The following MED25 variants were observed in gnomAD, a reference collection of about 807,000 sequenced individuals.
The protein encoded by MED25 is mediator complex subunit 25.
In MED25, 62 loss-of-function variants were observed where a neutral mutation model predicts 89.4. That is an observed-to-expected ratio of 0.69 (90% CI 0.57 to 0.86). The LOEUF is 0.86. Ranked by LOEUF, MED25 falls within the 40% of genes least tolerant of loss-of-function variation. The pLI is 0.00. For missense variants in MED25, 905 were observed against 1,005.2 expected (o/e 0.90, Z 1.35); for synonymous variants, 449 against 427.9 (o/e 1.05, Z -0.61).
intron 3 of MED25, among the ~76,000 whole-genome samples, chr19:49,827,426 G>A (rs2074022942): frequency 6.6e-6 from 1 of 152,126 alleles, no homozygotes; most frequent in Admixed American, 6.5e-5. Flanking sequence ...CAGGTGGTAG[G>A]GCCAGGCTGT....
At chr19:49,839,081 T>C (rs906152276), downstream of MED25, 21 of 295,006 alleles carry the variant, frequency 7.1e-5, no homozygotes, top group Non-Finnish European at 1.3e-4. Context: ...GTCAAATTGA[T>C]TGTGGCCTTT....
rs773458411 is a variant in MED25, at chr19:49,818,314, A to G, written c.-28A>G. ...ATTCCGCGGCGTCGGCTGCGGCTGCAGTGGTGGTGGCGGGTACCGCACGGG... is the reference window on the plus strand; with the variant it reads ...ATTCCGCGGCGTCGGCTGCGGCTGCGGTGGTGGTGGCGGGTACCGCACGGG... On this transcript the variant is annotated 5_prime_UTR_variant, in exon 1 of 18. Coordinates refer to ENST00000312865, the MANE Select transcript of MED25 (RefSeq NM_030973.4). 3.8e-6 allele frequency: 6 copies of G among 1,567,846 alleles called. No individual in the cohort carries two copies. Among genetic ancestry groups the G allele is most frequent in the East Asian group, 4.7e-5 (2 of 42,188 alleles).
At chr19:49,825,934 G>A (rs1462603644) in intron 3 of MED25, among the ~76,000 whole-genome samples, 4 of 151,686 alleles carry the variant, frequency 2.6e-5, no homozygotes, top group Admixed American at 6.6e-5. Context: ...GTTTTGGCTC[G>A]AGTCCCAGAA....
chr19:49,830,615 G>A lies in MED25; in HGVS notation c.907+17G>A. The A allele has an allele frequency of 3.7e-6, 6 of 1,614,014 alleles. No homozygotes were observed. Among genetic ancestry groups the A allele is most frequent in the Non-Finnish European group, 5.1e-6 (6 of 1,179,870 alleles). ...GCCCTCGCTGTGAGTCCTGGAGTGA[G>A]GATGAAGGGCGGGCAGGGGCCAGGC... On this transcript the variant is annotated intron_variant, in intron 8 of 17. Coordinates refer to ENST00000312865, the MANE Select transcript of MED25 (RefSeq NM_030973.4). This position sits in a 1 kb window ranked among gnomAD's most constrained non-coding sequence, Gnocchi z 4.6.
At position 49,835,281 on chromosome 19, in the gene MED25, T is replaced by A; in HGVS notation, c.1674+104T>A. On this transcript the variant is annotated intron_variant, in intron 14 of 17. Coordinates refer to ENST00000312865, the MANE Select transcript of MED25 (RefSeq NM_030973.4). The surrounding 1 kb of genome is among the most constrained non-coding windows in gnomAD (Gnocchi z 6.2). Reference sequence around the variant, plus strand: ...ACCAAGATGCCCACCCTTCTCCCAATATGTGGTGCCTCCAAGCTAAGTCCC... The same window carrying A: ...ACCAAGATGCCCACCCTTCTCCCAAAATGTGGTGCCTCCAAGCTAAGTCCC... The A allele has an allele frequency of 7.8e-7, 1 of 1,274,550 alleles. No individual in the cohort carries two copies. Among genetic ancestry groups the A allele is most frequent in the Non-Finnish European group, 1.1e-6 (1 of 874,024 alleles). The allele number at this position is 1,274,550 out of a possible 1,614,324, so 79.0% of individuals were successfully genotyped here.
chr19:49,833,333 T>G lies in MED25; in HGVS notation c.1482+918T>G, dbSNP rs574692093. The G allele has an allele frequency of 2.6e-5, 4 of 152,376 alleles. No homozygotes were observed. The East Asian group carries it at 7.7e-4, about 29-fold the overall frequency. 9.4% of individuals were successfully genotyped at this position (152,376 alleles called of 1,614,324 possible). A position where few individuals can be genotyped will look rare whatever the true frequency, so the allele number is the denominator to read the frequency against. ...ATGTTGGCCAGGTTGGTCTCGAACT[T>G]CTGACCTCAAGTGATCTGCCTGCCT... On this transcript the variant is annotated intron_variant, in intron 13 of 17. Coordinates refer to ENST00000312865, the MANE Select transcript of MED25 (RefSeq NM_030973.4).
Position 49,829,163 on chromosome 19 carries a change from G to A in MED25, c.525+73G>A. 7.3e-7 allele frequency: 1 copy of A among 1,378,070 alleles called. No homozygotes were observed. Among genetic ancestry groups the A allele is most frequent in the Non-Finnish European group, 1.0e-6 (1 of 986,160 alleles). The allele number at this position is 1,378,070 out of a possible 1,614,324, so 85.4% of individuals were successfully genotyped here. ...TTGGGTCTGAGGCAGGAGGCACTGA[G>A]GGCCTGGACTCCTGGGTCTGAGGGA... On this transcript the variant is annotated intron_variant, in intron 5 of 17. Transcript: ENST00000312865. This position sits in a 1 kb window ranked among gnomAD's most constrained non-coding sequence, Gnocchi z 4.6.
intron 3 of MED25, among the ~76,000 whole-genome samples, chr19:49,825,850 C>T (rs1431983896): frequency 2.0e-5 from 3 of 151,786 alleles, no homozygotes; most frequent in Non-Finnish European, 4.4e-5. Flanking sequence ...AAATTTATCA[C>T]CCCAAAGAGG....
chr19:49,836,786 T>C lies in MED25; in HGVS notation c.2147-61T>C. The C allele has an allele frequency of 7.6e-7, 1 of 1,314,990 alleles. No homozygotes were observed. Among genetic ancestry groups the C allele is most frequent in the East Asian group, 2.4e-5 (1 of 42,026 alleles). The allele number at this position is 1,314,990 out of a possible 1,614,324, so 81.5% of individuals were successfully genotyped here. ...GGCTGCCTAGAAAACTTAGTGCCTC[T>C]GGGCCCTCCTGGGCCCAAGGGCCTA... On this transcript the variant is annotated intron_variant, in intron 17 of 17. Coordinates refer to ENST00000312865, the MANE Select transcript of MED25 (RefSeq NM_030973.4). The surrounding 1 kb of genome is among the most constrained non-coding windows in gnomAD (Gnocchi z 5.1).
chr19:49,824,541 TGCCACCG>T (rs2074002846), intron 3 of MED25, among the ~76,000 whole-genome samples: 1 of 146,192 alleles, frequency 6.8e-6, no homozygotes, highest in African/African-American at 2.6e-5. Flanking sequence ...GCCGAGATTG[TGCCACCG>T]CACTCCAGCC....
rs529873708 is a variant in MED25 at position 49,831,968 on chromosome 19, C to G, written c.1263C>G (p.Thr421=). Residue 421 remains threonine (T), a synonymous_variant, in exon 11 of 18, where the codon ACC becomes ACG. Coordinates refer to ENST00000312865, the MANE Select transcript of MED25 (RefSeq NM_030973.4). This position sits in a 1 kb window ranked among gnomAD's most constrained non-coding sequence, Gnocchi z 5.0. ...AACCTGCCTCAGTGGATGCCAACACCAAGCTGACGCGGTCACTGCCCTGCC... is the reference window on the plus strand; with the variant it reads ...AACCTGCCTCAGTGGATGCCAACACGAAGCTGACGCGGTCACTGCCCTGCC... The part of the protein sequence containing the change: ...KPKPASVDAN[T]KLTRSLPCQV... The G allele has an allele frequency of 1.2e-6, 2 of 1,614,074 alleles. No individual in the cohort carries two copies. The highest frequency in any genetic ancestry group is 4.5e-5 in the East Asian group (2 of 44,868).
At chr19:49,825,825 C>T (rs1435241980) in intron 3 of MED25, among the ~76,000 whole-genome samples, 3 of 151,698 alleles carry the variant, frequency 2.0e-5, no homozygotes, top group African/African-American at 7.3e-5. Context: ...GAGCGAAACT[C>T]CATCTCAAAA....
downstream of MED25, chr19:49,837,012 A>G (rs2074104363): frequency 3.1e-6 from 4 of 1,301,778 alleles, no homozygotes; most frequent in South Asian, 5.0e-5. Flanking sequence ...ATCCCTCAGG[A>G]CTGGGCAGGA....
chr19:49,821,444 A>T (rs1291742382), intron 3 of MED25, among the ~76,000 whole-genome samples: 2 of 152,166 alleles, frequency 1.3e-5, no homozygotes, highest in African/African-American at 4.8e-5. Context: ...CGGTAGCCAA[A>T]TGCCAGCACA....
rs1438015106 is a variant in MED25, at chr19:49,830,540, G to A, written c.849G>A (p.Val283=). The change falls in exon 8 of 18, where the codon GTG becomes GTA. Residue 283 remains valine (V), a synonymous_variant. Transcript: ENST00000312865. The surrounding 1 kb of genome is among the most constrained non-coding windows in gnomAD (Gnocchi z 4.6). ...CCGGGAACCTGAGTGCAGCTCAGGT[G>A]GCCGCGCAGAATGCAGTGGAGGCTG... ...QVPGNLSAAQ[V]AAQNAVEAAK... is the part of the protein sequence containing the mutation. 6.2e-7 allele frequency: 1 copy of A among 1,614,134 alleles called. No homozygotes were observed. The highest frequency in any genetic ancestry group is 2.2e-5 in the East Asian group (1 of 44,874).
Position 49,835,096 on chromosome 19 carries a change from C to A in MED25, c.1593C>A (p.Ser531Arg). The change falls in exon 14 of 18, where the codon AGC becomes AGA. Residue 531 changes from serine (S) to arginine (R), a missense_variant. Transcript: ENST00000312865. The surrounding 1 kb of genome is among the most constrained non-coding windows in gnomAD (Gnocchi z 6.2). Reference sequence around the variant, plus strand: ...TGGGCCTCATCCCCTACGACCAGAGCGGCTTCGTCAACGGCATCCGGCAGG... The same window carrying A: ...TGGGCCTCATCCCCTACGACCAGAGAGGCTTCGTCAACGGCATCCGGCAGG... Reference protein sequence around the residue: ...IFMGLIPYDQSGFVNGIRQVI... With the variant: ...IFMGLIPYDQRGFVNGIRQVI... The A allele has an allele frequency of 6.2e-7, 1 of 1,614,094 alleles. No homozygotes were observed. Among genetic ancestry groups the A allele is most frequent in the Non-Finnish European group, 8.5e-7 (1 of 1,180,006 alleles).
At chr19:49,821,729 T>C (rs192716027) in intron 3 of MED25, among the ~76,000 whole-genome samples, 18 of 151,486 alleles carry the variant, frequency 1.2e-4, no homozygotes, top group African/African-American at 4.4e-4. Context: ...GGCAGGAGAA[T>C]TGCTTGAACC....
At chr19:49,828,190 C>G (rs1004262491) in intron 3 of MED25, among the ~76,000 whole-genome samples, 3 of 151,248 alleles carry the variant, frequency 2.0e-5, no homozygotes, top group African/African-American at 7.3e-5. Flanking sequence ...GATCATGCCA[C>G]TGCATTCCAG....
In MED25 at chr19:49,831,023, G is replaced by A; in HGVS notation, c.1101+136G>A. Reference sequence around the variant, plus strand: ...GGGGCTTTGGGGGCTCGTGGTGTGTGTGCTGCAGATGCCTGAGATGAGGGT... The same window carrying A: ...GGGGCTTTGGGGGCTCGTGGTGTGTATGCTGCAGATGCCTGAGATGAGGGT... On this transcript the variant is annotated intron_variant, in intron 9 of 17. Transcript: ENST00000312865. This position sits in a 1 kb window ranked among gnomAD's most constrained non-coding sequence, Gnocchi z 5.0. 1 of 1,020,290 alleles carries A rather than the reference G, an allele frequency of 9.8e-7. No homozygotes were observed. The highest frequency in any genetic ancestry group is 1.5e-6 in the Non-Finnish European group (1 of 661,624). The allele number at this position is 1,020,290 out of a possible 1,614,324, so 63.2% of individuals were successfully genotyped here. A position where few individuals can be genotyped will look rare whatever the true frequency, so the allele number is the denominator to read the frequency against.
Sources: gnomAD v4.1 joint callset for allele counts (sites outside exome capture counted in the v4.1 genomes callset) on GRCh38, gnomAD v4.1.1 for gene constraint, Gnocchi (gnomAD v3.1) non-coding constraint, MANE v1.5 for transcripts, NCBI Gene and HGNC (gene_info 2026-07-23, HGNC 2026-07-21) for gene names.